ARL15: variants seen among roughly 807,000 people sequenced by gnomAD.
The protein encoded by ARL15 is ARF like GTPase 15.
ARL15 carries 19 observed loss-of-function variants against 25.2 expected under a neutral mutation model. The observed-to-expected ratio is 0.75, with a 90% confidence interval of 0.53 to 1.10. The LOEUF (loss-of-function observed/expected upper bound fraction) is 1.10. Ranked by LOEUF, ARL15 falls within the 50% of genes least tolerant of loss-of-function variation. The pLI is 0.00. For missense variants in ARL15, 220 were observed against 246.0 expected (o/e 0.89, Z 0.71); for synonymous variants, 94 against 86.8 (o/e 1.08, Z -0.46).
intron 2 of ARL15, among the ~76,000 whole-genome samples, chr5:54,167,060 T>G (rs2112387457): frequency 6.6e-6 from 1 of 152,314 alleles, no homozygotes; most frequent in East Asian, 1.9e-4. Context: ...CCAAGTACTC[T>G]ACCCAGTTCC....
intron 1 of ARL15, among the ~76,000 whole-genome samples, chr5:54,299,833 C>T (rs1228150107): frequency 2.6e-5 from 4 of 152,080 alleles, no homozygotes; most frequent in Non-Finnish European, 5.9e-5. Context: ...GGGATACATA[C>T]ACCTCGGCCT....
rs964305152 is a variant in ARL15 at position 54,172,495 on chromosome 5, T to C, written c.49-567A>G. Among the ~76,000 whole-genome samples, 129 of 151,904 alleles carry C rather than the reference T, an allele frequency of 8.5e-4. 1 individual carries two copies. Among genetic ancestry groups the C allele is most frequent in the African/African-American group, 2.6e-3 (107 of 41,418 alleles). On this transcript the variant is annotated intron_variant, in intron 1 of 4. Transcript: ENST00000504924. The stretch of plus-strand genomic sequence containing the variant: ...ATATAGACTGCATATTAGATAAGAG[T>C]ACTGTATAAGGTTAAATTTCCTGAA...
chr5:54,114,424 C>CAAAAAAAAAAAAAAAAAAAA (rs1378276588), intron 3 of ARL15, among the ~76,000 whole-genome samples: 1 of 32,210 alleles, frequency 3.1e-5, no homozygotes. Flanking sequence ...AAAAAAAAAG[C>CAAAAAAAAAAAAAAAAAAAA]AACACCACAT....
intron 4 of ARL15, among the ~76,000 whole-genome samples, chr5:54,077,602 T>C (rs958230377): frequency 2.6e-5 from 4 of 152,186 alleles, no homozygotes; most frequent in South Asian, 2.1e-4. Flanking sequence ...TGTTCAAACA[T>C]GTATACTAAA....
intron 4 of ARL15, among the ~76,000 whole-genome samples, chr5:54,063,336 A>T (rs1389290124): frequency 3.3e-5 from 5 of 152,204 alleles, no homozygotes; most frequent in Admixed American, 3.3e-4. Flanking sequence ...CTGTTCTGGG[A>T]AAAACAGATT....
At chr5:53,946,939 T>C (rs1422546864) in intron 4 of ARL15, among the ~76,000 whole-genome samples, 2 of 152,200 alleles carry the variant, frequency 1.3e-5, no homozygotes, top group Non-Finnish European at 2.9e-5. Context: ...CCAAACTCTA[T>C]TATAAAGCTG....
chr5:54,168,324 T>G (rs971178360), intron 2 of ARL15, among the ~76,000 whole-genome samples: 27 of 152,246 alleles, frequency 1.8e-4, no homozygotes, highest in African/African-American at 6.3e-4. Context: ...TTGGATGTCT[T>G]GTCAAACCTC....
intron 3 of ARL15, among the ~76,000 whole-genome samples, chr5:54,117,183 C>T (rs1752926381): frequency 6.6e-6 from 1 of 152,144 alleles, no homozygotes. Context: ...TACATCCACA[C>T]ATTAGATGGT....
rs148723556 is a variant in ARL15 at position 54,206,083 on chromosome 5, C to G, written c.49-34155G>C. Reference sequence around the variant, plus strand: ...ACTGGACAGGAAAAACAAAACAAACCAAACAGTGGCAGTAATAAATAGATT... The same window carrying G: ...ACTGGACAGGAAAAACAAAACAAACGAAACAGTGGCAGTAATAAATAGATT... On this transcript the variant is annotated intron_variant, in intron 1 of 4. Transcript: ENST00000504924. Among the ~76,000 whole-genome samples the G allele has an allele frequency of 6.1e-3, 925 of 152,092 alleles. 8 individuals carry two copies. Among genetic ancestry groups the G allele is most frequent in the Middle Eastern group, 0.02 (6 of 294 alleles).
chr5:54,149,121 T>C (rs1202290194), intron 3 of ARL15, among the ~76,000 whole-genome samples: 1 of 152,198 alleles, frequency 6.6e-6, no homozygotes, highest in African/African-American at 2.4e-5. Flanking sequence ...GATGCTTCAC[T>C]TACTTTCATA....
intron 1 of ARL15, among the ~76,000 whole-genome samples, chr5:54,207,442 T>A (rs929954365): frequency 3.3e-5 from 5 of 152,180 alleles, no homozygotes; most frequent in Non-Finnish European, 5.9e-5. Context: ...GCACCTACAC[T>A]TTCTGACCAA....
intron 1 of ARL15, among the ~76,000 whole-genome samples, chr5:54,199,040 A>G (rs1434330129): frequency 2.6e-5 from 4 of 151,540 alleles, no homozygotes; most frequent in African/African-American, 9.7e-5. Flanking sequence ...AAAACAAGCA[A>G]TGGGGAAAGG....
At chr5:54,161,222 A>G (rs915158306) in intron 2 of ARL15, among the ~76,000 whole-genome samples, 8 of 152,186 alleles carry the variant, frequency 5.3e-5, no homozygotes, top group Non-Finnish European at 1.0e-4. Context: ...TTGCAATACA[A>G]AATGTTGCAA....
chr5:54,029,434 A>G (rs1363558893), intron 4 of ARL15, among the ~76,000 whole-genome samples: 1 of 149,508 alleles, frequency 6.7e-6, no homozygotes, highest in Non-Finnish European at 1.5e-5. Context: ...AAGAGTTTAC[A>G]ATCTCAATTT....
intron 1 of ARL15, among the ~76,000 whole-genome samples, chr5:54,175,192 G>A (rs1449715489): frequency 2.0e-5 from 3 of 152,152 alleles, no homozygotes; most frequent in Non-Finnish European, 4.4e-5. Flanking sequence ...TTAAAATCCA[G>A]AGTAGAAAAA....
At chr5:54,112,344 T>C (rs1018015497) in intron 4 of ARL15, among the ~76,000 whole-genome samples, 4 of 152,176 alleles carry the variant, frequency 2.6e-5, no homozygotes, top group African/African-American at 9.7e-5. Flanking sequence ...TTAGAACATG[T>C]TATGTCCTTG....
intron 4 of ARL15, among the ~76,000 whole-genome samples, chr5:53,895,863 G>T (rs1744854624): frequency 6.6e-6 from 1 of 152,038 alleles, no homozygotes; most frequent in Admixed American, 6.5e-5. Context: ...TCCCCAAGTG[G>T]TTGAGAATCT....
chr5:53,955,998 G>A (rs988929663), intron 4 of ARL15, among the ~76,000 whole-genome samples: 3 of 152,050 alleles, frequency 2.0e-5, no homozygotes, highest in African/African-American at 7.2e-5. Flanking sequence ...TGTTGTTGTT[G>A]TTGTCGTTGT....
At chr5:54,053,432 A>G (rs1156411040) in intron 4 of ARL15, among the ~76,000 whole-genome samples, 1 of 152,118 alleles carries the variant, frequency 6.6e-6, no homozygotes, top group Non-Finnish European at 1.5e-5. Flanking sequence ...AAGCATAACT[A>G]CTCTCTAAGT....
Sources: allele counts gnomAD v4.1 joint callset (sites outside exome capture counted in the v4.1 genomes callset), GRCh38; gene constraint gnomAD v4.1.1; transcripts MANE v1.5; gene names NCBI Gene and HGNC (gene_info 2026-07-23, HGNC 2026-07-21).